The following CD2AP variants were observed in gnomAD, a reference collection of about 807,000 sequenced individuals.
The protein encoded by CD2AP is CD2-associated protein.
In CD2AP, 46 loss-of-function variants were observed where a neutral mutation model predicts 85.1. That is an observed-to-expected ratio of 0.54 (90% confidence interval 0.43 to 0.69). The LOEUF (loss-of-function observed/expected upper bound fraction) is 0.69. Ranked by LOEUF, CD2AP falls within the 30% of genes least tolerant of loss-of-function variation. The pLI is 0.00. For missense variants in CD2AP, 769 were observed against 729.5 expected (o/e 1.05, Z -0.62); for synonymous variants, 255 against 252.9 (o/e 1.01, Z -0.08).
intron 17 of CD2AP, among the ~76,000 whole-genome samples, chr6:47,615,922 G>A (rs1384506106): frequency 6.6e-6 from 1 of 150,848 alleles, no homozygotes; most frequent in Non-Finnish European, 1.5e-5. Context: ...TAGGACTACA[G>A]GCGCCCGCCA....
chr6:47,498,845 C>G (rs138739721), intron 1 of CD2AP, among the ~76,000 whole-genome samples: 1 of 151,940 alleles, frequency 6.6e-6, no homozygotes, highest in Non-Finnish European at 1.5e-5. Context: ...CATTTTTTTC[C>G]TGACTGATAT....
chr6:47,578,449 G>A (rs1174508024), intron 8 of CD2AP, among the ~76,000 whole-genome samples: 1 of 152,094 alleles, frequency 6.6e-6, no homozygotes, highest in African/African-American at 2.4e-5. Flanking sequence ...CTGGCGTCAG[G>A]CAATCTTCCC....
intron 3 of CD2AP, among the ~76,000 whole-genome samples, chr6:47,539,368 A>G (rs1345900009): frequency 1.3e-5 from 2 of 152,230 alleles, no homozygotes; most frequent in Non-Finnish European, 1.5e-5. Flanking sequence ...ACATACAAGC[A>G]CATGGAGATT....
Position 47,557,264 on chromosome 6 carries a change from A to G in CD2AP, c.541+2498A>G, listed in dbSNP as rs377574538. Among the ~76,000 whole-genome samples, 8 of 150,608 alleles carry G rather than the reference A, an allele frequency of 5.3e-5. No homozygotes were observed. The South Asian group carries it at 1.3e-3, about 24-fold the overall frequency. ...GGATAGATTGCAAAAATTTTCTCCCATTCTGTAGGTTGCCTGTTCACTCTG... is the reference window on the plus strand; with the variant it reads ...GGATAGATTGCAAAAATTTTCTCCCGTTCTGTAGGTTGCCTGTTCACTCTG... On this transcript the variant is annotated intron_variant, in intron 5 of 17. Coordinates refer to ENST00000359314, the MANE Select transcript of CD2AP (RefSeq NM_012120.3).
At chr6:47,573,921 T>C in intron 5 of CD2AP, 143 bp from the exon 6 acceptor site, 1 of 711,454 alleles carries the variant, frequency 1.4e-6, no homozygotes, top group South Asian at 1.7e-5. Flanking sequence ...CATCTTGCTC[T>C]TCTGGATATT....
At chr6:47,594,663 C>G (rs965250851) in intron 11 of CD2AP, among the ~76,000 whole-genome samples, 8 of 151,726 alleles carry the variant, frequency 5.3e-5, no homozygotes, top group African/African-American at 1.9e-4. Context: ...TTTACAAATT[C>G]CTGGTGGTAT....
chr6:47,549,365 C>G (rs928047307), intron 4 of CD2AP, among the ~76,000 whole-genome samples: 7 of 148,076 alleles, frequency 4.7e-5, no homozygotes, highest in African/African-American at 1.7e-4. Flanking sequence ...TTTCCGGGTA[C>G]ACAATTAATG....
chr6:47,503,848 G>C (rs1300525587), intron 2 of CD2AP, among the ~76,000 whole-genome samples: 2 of 152,220 alleles, frequency 1.3e-5, no homozygotes, highest in Non-Finnish European at 2.9e-5. Flanking sequence ...TTTAGATTGA[G>C]AGGTTAAGTG....
At chr6:47,564,367 T>C (rs968003093) in intron 5 of CD2AP, among the ~76,000 whole-genome samples, 1 of 152,184 alleles carries the variant, frequency 6.6e-6, no homozygotes, top group African/African-American at 2.4e-5. Flanking sequence ...CTTTAAAATA[T>C]TTACAACTTA....
intron 2 of CD2AP, among the ~76,000 whole-genome samples, chr6:47,529,197 C>A (rs908338316): frequency 1.3e-5 from 1 of 78,190 alleles, no homozygotes; most frequent in African/African-American, 4.7e-5. Flanking sequence ...CCCCCCCCCC[C>A]CCCAACTTAT....
Position 47,607,971 on chromosome 6 carries a change from A to C in CD2AP, c.1575A>C (p.Glu525Asp), listed in dbSNP as rs201251439. The C allele has an allele frequency of 9.3e-6, 15 of 1,613,092 alleles. No individual in the cohort carries two copies. Among genetic ancestry groups the C allele is most frequent in the Non-Finnish European group, 1.2e-5 (14 of 1,179,310 alleles). The change falls in exon 15 of 18, where the codon GAA becomes GAC. Residue 525 changes from glutamate (E) to aspartate (D), a missense_variant. Transcript: ENST00000359314. ...AAATCTTGAAGTTACCAAAAGAAGA[A>C]GACAGTGCCAACCTGAAGCCATCTG... Reference protein sequence around the residue: ...PEKILKLPKEEDSANLKPSEL... With the variant: ...PEKILKLPKEDDSANLKPSEL...
chr6:47,515,613 T>C (rs940317135), intron 2 of CD2AP, among the ~76,000 whole-genome samples: 2 of 152,192 alleles, frequency 1.3e-5, no homozygotes, highest in African/African-American at 4.8e-5. Context: ...AAAATGCATC[T>C]ATGGTATGTG....
rs1477098584 is a variant in CD2AP, at chr6:47,574,150, A to G, written c.628A>G (p.Lys210Glu). Residue 210 changes from lysine (K) to glutamate (E), a missense_variant, in exon 6 of 18, where the codon AAA becomes GAA. Transcript: ENST00000359314. ...ATCTGGATCAGTTACACAGCCAAAG[A>G]AAATTCGAGGAATTGGATTTGGAGA... ...TASGSVTQPK[K>E]IRGIGFGDIF... 2 of 1,614,080 alleles carry G rather than the reference A, an allele frequency of 1.2e-6. No homozygotes were observed. The highest frequency in any genetic ancestry group is 3.3e-5 in the Admixed American group (2 of 60,028).
At chr6:47,520,418 G>A (rs932990517) in intron 2 of CD2AP, among the ~76,000 whole-genome samples, 1 of 152,284 alleles carries the variant, frequency 6.6e-6, no homozygotes, top group African/African-American at 2.4e-5. Context: ...GACAGTTGTC[G>A]GGAGGGGCTC....
chr6:47,513,151 T>A (rs2113995930), intron 2 of CD2AP, among the ~76,000 whole-genome samples: 1 of 152,036 alleles, frequency 6.6e-6, no homozygotes, highest in Admixed American at 6.5e-5. Flanking sequence ...ACCTTTTTTT[T>A]TTTTTTTTCT....
intron 3 of CD2AP, among the ~76,000 whole-genome samples, chr6:47,538,324 C>T (rs903358507): frequency 6.6e-6 from 1 of 152,124 alleles, no homozygotes; most frequent in Admixed American, 6.5e-5. Flanking sequence ...TCACTGCACC[C>T]TTCGCCTTCC....
chr6:47,611,381 G>A (rs112870661), intron 16 of CD2AP, among the ~76,000 whole-genome samples: 8 of 91,946 alleles, frequency 8.7e-5, no homozygotes, highest in Non-Finnish European at 2.0e-4. Context: ...CTATGGAAGA[G>A]GGGGGGAATA....
In CD2AP at chr6:47,612,491, G is replaced by A. The variant is rs1419743477; in HGVS notation, c.1833G>A (p.Leu611=). The part of the protein sequence containing the change: ...KKDHGKELEK[L]RKDLEEEKTM... ...TTTTTAGGAAAGAACTGGAAAAACT[G>A]CGAAAAGATTTGGAAGAAGAGAAGA... is the stretch of plus-strand genomic sequence containing the variant. Residue 611 remains leucine, a synonymous_variant, in exon 17 of 18, where the codon CTG becomes CTA. Transcript: ENST00000359314. The A allele has an allele frequency of 6.2e-7, 1 of 1,605,194 alleles. No individual in the cohort carries two copies. The highest frequency in any genetic ancestry group is 8.5e-7 in the Non-Finnish European group (1 of 1,172,354).
chr6:47,562,871 A>G, intron 5 of CD2AP: 1 of 789,674 alleles, frequency 1.3e-6, no homozygotes, highest in Admixed American at 1.7e-5. Context: ...GACAACAAGC[A>G]ACTGTAGGGG....
Sources: allele counts gnomAD v4.1 joint callset (sites outside exome capture counted in the v4.1 genomes callset), GRCh38; gene constraint gnomAD v4.1.1; transcripts MANE v1.5; gene names NCBI Gene and HGNC (gene_info 2026-07-23, HGNC 2026-07-21).